The following OR4F15 variants were observed in gnomAD, a reference collection of about 807,000 sequenced individuals.
OR4F15 encodes the protein olfactory receptor family 4 subfamily F member 15.
A neutral mutation model predicts 11.9 loss-of-function variants in OR4F15; 7 were observed. The observed-to-expected ratio is 0.59, with a 90% CI of 0.33 to 1.10. The LOEUF (loss-of-function observed/expected upper bound fraction) is 1.10, where lower values mean the gene tolerates loss of function less well. OR4F15 is among the 50% of genes least tolerant of loss of function. The pLI, the probability that OR4F15 is intolerant of heterozygous loss-of-function variation, is 0.03. For missense variants in OR4F15, 445 were observed against 377.5 expected (o/e 1.18, Z -1.48); for synonymous variants, 151 against 134.6 (o/e 1.12, Z -0.84).
Position 101,818,454 on chromosome 15 carries a change from A to T in OR4F15, c.268A>T (p.Lys90Ter). ...GATTTGTGATATTTTCAAGAAGCAC[A>T]AGGCCATCTCCTTTCGGGGATGTAT... ...KMICDIFKKH[K>*]AISFRGCITQ... is the part of the protein sequence containing the mutation. The change falls in exon 2 of 2, where the codon AAG (lysine) becomes TAG (stop). Residue 90 changes from lysine to a stop codon, truncating the protein, a stop_gained. Coordinates refer to ENST00000332238, the MANE Select transcript of OR4F15 (RefSeq NM_001001674.2). LOFTEE classifies it high-confidence loss of function. 6.2e-7 allele frequency: 1 copy of T among 1,614,194 alleles called. No homozygotes were observed. The highest frequency in any genetic ancestry group is 8.5e-7 in the Non-Finnish European group (1 of 1,180,040).
intron 1 of OR4F15, among the ~76,000 whole-genome samples, chr15:101,815,840 G>A (rs930262647): frequency 6.6e-6 from 1 of 152,116 alleles, no homozygotes; most frequent in African/African-American, 2.4e-5. Context: ...GAACATGTTG[G>A]TTGACTAATG....
chr15:101,818,333 A>G lies in OR4F15; in HGVS notation c.147A>G (p.Val49=). ...MMGNLVIVFT[V]TMDAHLHSPM... is the part of the protein sequence containing the mutation. ...GAAACCTTGTCATTGTATTCACTGT[A>G]ACCATGGATGCTCATCTGCACTCCC... Residue 49 remains valine, a synonymous_variant, in exon 2 of 2, where the codon GTA becomes GTG. Coordinates refer to ENST00000332238, the MANE Select transcript of OR4F15 (RefSeq NM_001001674.2). 1.2e-6 allele frequency: 2 copies of G among 1,614,120 alleles called. No homozygotes were observed. The highest frequency in any genetic ancestry group is 1.1e-5 in the South Asian group (1 of 91,074).
chr15:101,813,373 G>A (rs948246981), intron 1 of OR4F15, among the ~76,000 whole-genome samples: 1 of 152,026 alleles, frequency 6.6e-6, no homozygotes, highest in Non-Finnish European at 1.5e-5. Context: ...GCCAGATGTG[G>A]TGGTGCATGA....
chr15:101,819,763 C>G lies in OR4F15; in HGVS notation c.*638C>G, dbSNP rs907933285. Reference sequence around the variant, plus strand: ...CCCTGACCTCTAGTGATCCACCTGCCTCGGCCTCCCAAAGTGCTGGGATTA... The same window carrying G: ...CCCTGACCTCTAGTGATCCACCTGCGTCGGCCTCCCAAAGTGCTGGGATTA... On this transcript the variant is annotated 3_prime_UTR_variant, in exon 2 of 2. Transcript: ENST00000332238. 1.3e-5 allele frequency: 2 copies of G among 152,698 alleles called. No homozygotes were observed. Among genetic ancestry groups the G allele is most frequent in the African/African-American group, 4.8e-5 (2 of 41,570 alleles). The allele number at this position is 152,698 out of a possible 1,614,324, so 9.5% of individuals were successfully genotyped here.
intron 1 of OR4F15, among the ~76,000 whole-genome samples, chr15:101,814,725 T>A (rs1158096860): frequency 6.6e-6 from 1 of 152,178 alleles, no homozygotes; most frequent in Non-Finnish European, 1.5e-5. Flanking sequence ...TCCTTTCTGA[T>A]TTAAAAAATG....
In OR4F15 at chr15:101,816,150, A is replaced by G. The variant is rs183702574; in HGVS notation, c.-37-2000A>G. 2.0e-5 allele frequency among the ~76,000 whole-genome samples: 3 copies of G among 152,354 alleles called. 1 individual carries two copies. The highest frequency in any genetic ancestry group is 7.2e-5 in the African/African-American group (3 of 41,586). ...ATTCCTGGATCTGGCAAAAAGGTAC[A>G]GATATGAATAATTTAAGAATCTTGA... On this transcript the variant is annotated intron_variant, in intron 1 of 1. Transcript: ENST00000332238.
rs1177311864 is a variant in OR4F15 at position 101,818,879 on chromosome 15, T to G, written c.693T>G (p.Gly231=). Residue 231 remains glycine (G), a synonymous_variant, in exon 2 of 2, where the codon GGT becomes GGG. Coordinates refer to ENST00000332238, the MANE Select transcript of OR4F15 (RefSeq NM_001001674.2). ...TCACTGTTTGGAAACATTCTTCTGG[T>G]GGTCTAGCCAAGGCCCTCTCTACCC... ...ILFTVWKHSS[G]GLAKALSTLS... 1 of 1,613,956 alleles carries G rather than the reference T, an allele frequency of 6.2e-7. No homozygotes were observed. Among genetic ancestry groups the G allele is most frequent in the South Asian group, 1.1e-5 (1 of 91,080 alleles).
chr15:101,814,245 T>C (rs537367896), intron 1 of OR4F15, among the ~76,000 whole-genome samples: 2 of 152,288 alleles, frequency 1.3e-5, no homozygotes, highest in South Asian at 4.1e-4. Context: ...CGACTCTTAT[T>C]CTCCTACCCA....
chr15:101,814,056 GAATACTT>G (rs1902948949), intron 1 of OR4F15, among the ~76,000 whole-genome samples: 1 of 152,140 alleles, frequency 6.6e-6, no homozygotes, highest in African/African-American at 2.4e-5. Flanking sequence ...ACCCAAAGAT[GAATACTT>G]AATACTTAAG....
Position 101,818,432 on chromosome 15 carries a change from T to G in OR4F15, c.246T>G (p.Ile82Met). 6.2e-7 allele frequency: 1 copy of G among 1,614,092 alleles called. No individual in the cohort carries two copies. The highest frequency in any genetic ancestry group is 8.5e-7 in the Non-Finnish European group (1 of 1,179,994). ...AFCSITAPKMICDIFKKHKAI... is the reference protein window; with the variant it reads ...AFCSITAPKMMCDIFKKHKAI... ...GCTCAATTACAGCCCCTAAGATGAT[T>G]TGTGATATTTTCAAGAAGCACAAGG... Residue 82 changes from isoleucine to methionine, a missense_variant, in exon 2 of 2, where the codon ATT (isoleucine) becomes ATG (methionine). By Grantham distance (10) the Ile-to-Met change is conservative (BLOSUM62 1). Coordinates refer to ENST00000332238, the MANE Select transcript of OR4F15 (RefSeq NM_001001674.2).
chr15:101,817,329 C>T (rs1903006421), intron 1 of OR4F15, among the ~76,000 whole-genome samples: 1 of 152,148 alleles, frequency 6.6e-6, no homozygotes, highest in Non-Finnish European at 1.5e-5. Flanking sequence ...TTATGAGGTA[C>T]TCTCTTGACT....
chr15:101,813,145 A>C (rs1428842698), intron 1 of OR4F15, among the ~76,000 whole-genome samples: 1 of 152,222 alleles, frequency 6.6e-6, no homozygotes, highest in African/African-American at 2.4e-5. Flanking sequence ...AATTAAGTGG[A>C]TATCAGCTTA....
chr15:101,819,087 C>T lies in OR4F15; in HGVS notation c.901C>T (p.Leu301=), dbSNP rs113624241. ...NKDMKVAMRR[L]CSRLAHFTKI... ...AGACATGAAAGTGGCAATGAGGAGA[C>T]TGTGCAGTCGTCTTGCGCATTTTAC... The change falls in exon 2 of 2, where the codon CTG becomes TTG. Residue 301 remains leucine, a synonymous_variant. Transcript: ENST00000332238. 2.9e-4 allele frequency: 466 copies of T among 1,613,398 alleles called. 1 individual carries two copies. The African/African-American group carries it at 5.1e-3, about 18-fold the overall frequency.
At chr15:101,815,286 T>TA (rs1902969451) in intron 1 of OR4F15, among the ~76,000 whole-genome samples, 1 of 152,180 alleles carries the variant, frequency 6.6e-6, no homozygotes, top group South Asian at 2.1e-4. Context: ...ACTTGATAGA[T>TA]ACAGCATAAA....
chr15:101,815,274 G>A (rs927122661), intron 1 of OR4F15, among the ~76,000 whole-genome samples: 25 of 151,908 alleles, frequency 1.6e-4, no homozygotes, highest in Non-Finnish European at 3.4e-4. Context: ...GCATTGTTAG[G>A]CACTTGATAG....
chr15:101,817,527 C>A (rs1903011196), intron 1 of OR4F15, among the ~76,000 whole-genome samples: 1 of 152,108 alleles, frequency 6.6e-6, no homozygotes. Context: ...ATTTATATAA[C>A]TGTGAGAAGC....
At position 101,818,149 on chromosome 15, in the gene OR4F15, GGTAA is replaced by G. The variant is rs750742903; in HGVS notation, c.-33_-30del. On this transcript the variant is annotated splice_region_variant and 5_prime_UTR_variant, in exon 2 of 2. Coordinates refer to ENST00000332238, the MANE Select transcript of OR4F15 (RefSeq NM_001001674.2). Reference sequence around the variant, plus strand: ...CTTTCTCATTTTCTTTCTTCCTTCAGGTAAGTAACATGAAAACTGATCTTGGAGT... The same window carrying G: ...CTTTCTCATTTTCTTTCTTCCTTCAGGTAACATGAAAACTGATCTTGGAGT... 92 of 1,320,172 alleles carry G rather than the reference GGTAA, an allele frequency of 7.0e-5. 1 individual carries two copies. The highest frequency in any genetic ancestry group is 1.9e-5 in the Non-Finnish European group (18 of 936,888). The allele number at this position is 1,320,172 out of a possible 1,614,324, so 81.8% of individuals were successfully genotyped here.
intron 1 of OR4F15, among the ~76,000 whole-genome samples, chr15:101,816,179 A>G (rs534059448): frequency 7.9e-5 from 12 of 152,336 alleles, no homozygotes; most frequent in Non-Finnish European, 1.5e-4. Flanking sequence ...ATCTTGATTT[A>G]CTTGGATTAT....
intron 1 of OR4F15, 98 bp from the exon 2 acceptor site, chr15:101,818,052 G>A (rs779352169): frequency 9.0e-6 from 6 of 668,704 alleles, no homozygotes; most frequent in Non-Finnish European, 1.6e-5. Flanking sequence ...GGCTGTGTAA[G>A]ATGTTAATAT....
Sources: gnomAD v4.1 joint callset for allele counts (sites outside exome capture counted in the v4.1 genomes callset) on GRCh38, gnomAD v4.1.1 for gene constraint, MANE v1.5 for transcripts, NCBI Gene and HGNC (gene_info 2026-07-23, HGNC 2026-07-21) for gene names.